Variants in RSRC1 observed in about 807,000 individuals in gnomAD.
The protein encoded by RSRC1 is serine/Arginine-related protein 53.
Under a neutral mutation model 49.1 loss-of-function variants are expected in RSRC1, and 39 were observed. The observed-to-expected ratio is 0.79, with a 90% CI of 0.61 to 1.04. RSRC1 has a LOEUF of 1.04. RSRC1 is among the 50% of genes least tolerant of loss of function. The pLI is 0.00. For synonymous variants in RSRC1, 143 were observed against 130.8 expected (o/e 1.09, Z -0.63); for missense variants, 388 against 402.4 (o/e 0.96, Z 0.31).
At chr3:158,290,923 G>C (rs1726901002) in intron 4 of RSRC1, among the ~76,000 whole-genome samples, 1 of 152,194 alleles carries the variant, frequency 6.6e-6, no homozygotes, top group African/African-American at 2.4e-5. Flanking sequence ...GCCAGGTGCG[G>C]TGGCTCACAC....
At position 158,227,010 on chromosome 3, in the gene RSRC1, A is replaced by G. The variant is rs138579834; in HGVS notation, c.494+23765A>G. ...GTTAAATGTAAATTAATTTAATATT[A>G]TTTATAATTAAATGAAAGAGAAAGT... On this transcript the variant is annotated intron_variant, in intron 4 of 9. Transcript: ENST00000611884. Among the ~76,000 whole-genome samples the G allele has an allele frequency of 7.5e-3, 1,139 of 151,914 alleles. 12 individuals carry two copies. The highest frequency in any genetic ancestry group is 0.026 in the African/African-American group (1,082 of 41,502).
chr3:158,324,122 A>G (rs1728928680), intron 5 of RSRC1, among the ~76,000 whole-genome samples: 1 of 152,180 alleles, frequency 6.6e-6, no homozygotes, highest in Admixed American at 6.5e-5. Flanking sequence ...GTATATCAAT[A>G]TAGCAAAATT....
At chr3:158,215,229 A>G (rs1023963860) in intron 4 of RSRC1, among the ~76,000 whole-genome samples, 8 of 149,102 alleles carry the variant, frequency 5.4e-5, no homozygotes, top group Non-Finnish European at 1.2e-4. Flanking sequence ...ATCTTTTTCC[A>G]TCTTCCATCA....
At chr3:158,234,969 C>G (rs1723161365) in intron 4 of RSRC1, among the ~76,000 whole-genome samples, 1 of 151,932 alleles carries the variant, frequency 6.6e-6, no homozygotes, top group Non-Finnish European at 1.5e-5. Context: ...TCCATACATG[C>G]AAGGTGAATA....
At chr3:158,390,049 A>G (rs950393401) in intron 6 of RSRC1, among the ~76,000 whole-genome samples, 4 of 152,224 alleles carry the variant, frequency 2.6e-5, no homozygotes, top group Admixed American at 1.3e-4. Flanking sequence ...TTGAGTAGCA[A>G]TCTTACTGTG....
At chr3:158,202,061 C>T (rs192401589) in intron 3 of RSRC1, among the ~76,000 whole-genome samples, 2 of 152,270 alleles carry the variant, frequency 1.3e-5, no homozygotes, top group African/African-American at 2.4e-5. Flanking sequence ...GTCACCCAGG[C>T]TGGAGTGCAG....
intron 4 of RSRC1, among the ~76,000 whole-genome samples, chr3:158,274,404 A>G (rs1725691228): frequency 6.7e-6 from 1 of 149,308 alleles, no homozygotes; most frequent in African/African-American, 2.5e-5. Context: ...ATAGACATTT[A>G]TTCCTTTAGT....
chr3:158,423,291 A>ATATGGC (rs1299648500), intron 6 of RSRC1, among the ~76,000 whole-genome samples: 1 of 152,140 alleles, frequency 6.6e-6, no homozygotes, highest in Non-Finnish European at 1.5e-5. Flanking sequence ...AGCTTTCTAC[A>ATATGGC]TATGGCTAGC....
At chr3:158,245,504 G>C (rs941808969) in intron 4 of RSRC1, among the ~76,000 whole-genome samples, 2 of 152,136 alleles carry the variant, frequency 1.3e-5, no homozygotes, top group African/African-American at 4.8e-5. Context: ...GTTGTTTCAG[G>C]GTGAAGGAGT....
chr3:158,236,189 C>T (rs1723239694), intron 4 of RSRC1, among the ~76,000 whole-genome samples: 1 of 151,588 alleles, frequency 6.6e-6, no homozygotes, highest in East Asian at 1.9e-4. Flanking sequence ...AAAGGTAATT[C>T]AATATTGTGA....
chr3:158,296,140 T>C (rs1326031565), intron 4 of RSRC1, among the ~76,000 whole-genome samples: 1 of 152,140 alleles, frequency 6.6e-6, no homozygotes, highest in East Asian at 1.9e-4. Flanking sequence ...TTTCGTTCTT[T>C]ATATATTGCA....
chr3:158,229,380 G>GTATATACATACACATATACACACGTA (rs1210853464), intron 4 of RSRC1, among the ~76,000 whole-genome samples: 13 of 97,844 alleles, frequency 1.3e-4, no homozygotes, highest in African/African-American at 4.3e-4. Flanking sequence ...ATATGTGTAT[G>GTATATACATACACATATACACACGTA]TATGTGTATA....
At chr3:158,185,514 A>G (rs1387044925) in intron 3 of RSRC1, among the ~76,000 whole-genome samples, 1 of 151,912 alleles carries the variant, frequency 6.6e-6, no homozygotes, top group South Asian at 2.1e-4. Context: ...TAGCCAACTA[A>G]TGAAATTATT....
intron 6 of RSRC1, among the ~76,000 whole-genome samples, chr3:158,398,451 T>C (rs1359139707): frequency 6.6e-6 from 1 of 152,064 alleles, no homozygotes; most frequent in Non-Finnish European, 1.5e-5. Context: ...TAGAAGGGGT[T>C]GAAGGGGTCT....
intron 4 of RSRC1, among the ~76,000 whole-genome samples, chr3:158,213,510 A>G (rs62286872): frequency 6.6e-6 from 1 of 151,892 alleles, no homozygotes; most frequent in African/African-American, 2.4e-5. Context: ...GTATAAACCC[A>G]AAGCACTTTT....
chr3:158,362,146 C>G (rs1037016365), intron 6 of RSRC1, among the ~76,000 whole-genome samples: 1 of 152,100 alleles, frequency 6.6e-6, no homozygotes, highest in Non-Finnish European at 1.5e-5. Flanking sequence ...CGAGACCAGC[C>G]TAGGCAACAT....
At chr3:158,408,096 T>C (rs984285193) in intron 6 of RSRC1, among the ~76,000 whole-genome samples, 8 of 152,302 alleles carry the variant, frequency 5.3e-5, no homozygotes, top group East Asian at 1.9e-4. Flanking sequence ...GGGAATGATA[T>C]ACAGTGTCCC....
At chr3:158,420,551 AT>A (rs971222005) in intron 6 of RSRC1, among the ~76,000 whole-genome samples, 1 of 151,836 alleles carries the variant, frequency 6.6e-6, no homozygotes, top group Non-Finnish European at 1.5e-5. Flanking sequence ...TGAGTTTCAG[AT>A]TTTCTCATCT....
intron 5 of RSRC1, among the ~76,000 whole-genome samples, chr3:158,327,158 AT>A (rs1230484663): frequency 1.3e-5 from 2 of 151,944 alleles, no homozygotes; most frequent in Non-Finnish European, 2.9e-5. Context: ...CGGTCTATCA[AT>A]TTTGTTGATC....
Sources: allele counts gnomAD v4.1 joint callset (sites outside exome capture counted in the v4.1 genomes callset), GRCh38; gene constraint gnomAD v4.1.1; transcripts MANE v1.5; gene names NCBI Gene and HGNC (gene_info 2026-07-23, HGNC 2026-07-21).